POFUT3: variants seen among roughly 807,000 people sequenced by gnomAD.
The protein encoded by POFUT3 is GDP-fucose protein O-fucosyltransferase 3.
chr8:33,456,771 C>CT, the POFUT3 span, among the ~76,000 whole-genome samples: 125 of 117,302 alleles, frequency 1.1e-3, 4 homozygotes, highest in South Asian at 5.5e-3. Flanking sequence ...TTTCTTTTTT[C>CT]TTTTTTTTTT....
chr8:33,459,157 T>C, the POFUT3 span, among the ~76,000 whole-genome samples: 1 of 152,078 alleles, frequency 6.6e-6, no homozygotes, highest in African/African-American at 2.4e-5. Flanking sequence ...CTGGCCAACA[T>C]GGCAAAACCC....
chr8:33,312,933 G>A, the POFUT3 span, among the ~76,000 whole-genome samples: 2 of 151,956 alleles, frequency 1.3e-5, no homozygotes, highest in South Asian at 2.1e-4. Context: ...CTGCCTCCTC[G>A]GATCTTGCTG....
the POFUT3 span, among the ~76,000 whole-genome samples, chr8:33,439,595 C>T: frequency 2.0e-5 from 3 of 151,440 alleles, no homozygotes; most frequent in South Asian, 2.1e-4. Context: ...CAGCCGGGCG[C>T]GGTTGCTTAT....
chr8:33,386,767 G>A, the POFUT3 span, among the ~76,000 whole-genome samples: 60 of 152,224 alleles, frequency 3.9e-4, 1 homozygote, highest in South Asian at 0.01. Context: ...CCGAGATCAC[G>A]CCACCGCACT....
chr8:33,461,021 A>C, the POFUT3 span, among the ~76,000 whole-genome samples: 6 of 151,884 alleles, frequency 4.0e-5, no homozygotes, highest in Non-Finnish European at 5.9e-5. Flanking sequence ...TGGGCGTGGT[A>C]GCGGGTGCCT....
chr8:33,330,436 T>C, the POFUT3 span, among the ~76,000 whole-genome samples: 19 of 152,062 alleles, frequency 1.2e-4, no homozygotes, highest in Admixed American at 9.2e-4. Flanking sequence ...AGAGCTAGAC[T>C]CCATCCCAAA....
At chr8:33,443,402 T>C in the POFUT3 span, among the ~76,000 whole-genome samples, 2 of 152,256 alleles carry the variant, frequency 1.3e-5, no homozygotes, top group African/African-American at 4.8e-5. Flanking sequence ...CAGAGCTCAC[T>C]GCTCCAACGC....
the POFUT3 span, among the ~76,000 whole-genome samples, chr8:33,442,107 GC>G: frequency 6.6e-6 from 1 of 151,114 alleles, no homozygotes; most frequent in East Asian, 2.0e-4. Context: ...ATGCCACCAT[GC>G]CCGGCTAATT....
the POFUT3 span, among the ~76,000 whole-genome samples, chr8:33,334,620 C>T: frequency 6.6e-6 from 1 of 152,180 alleles, no homozygotes; most frequent in African/African-American, 2.4e-5. Flanking sequence ...GTCCATGAGC[C>T]ACACTTAGAA....
the POFUT3 span, among the ~76,000 whole-genome samples, chr8:33,338,035 A>G: frequency 6.6e-6 from 1 of 152,128 alleles, no homozygotes; most frequent in African/African-American, 2.4e-5. Flanking sequence ...AAGCACACAA[A>G]TATCTGTTGT....
the POFUT3 span, chr8:33,436,525 T>C: frequency 1.8e-6 from 2 of 1,117,258 alleles, no homozygotes; most frequent in South Asian, 1.2e-5. Context: ...CCCATAAAGC[T>C]TGTGATGGTG....
chr8:33,316,078 T>A, the POFUT3 span, among the ~76,000 whole-genome samples: 1 of 152,148 alleles, frequency 6.6e-6, no homozygotes, highest in East Asian at 1.9e-4. Flanking sequence ...TAAGAAACAA[T>A]GCCAGGAGTG....
At chr8:33,314,148 T>C in the POFUT3 span, among the ~76,000 whole-genome samples, 16 of 152,164 alleles carry the variant, frequency 1.1e-4, no homozygotes, top group Admixed American at 2.0e-4. Flanking sequence ...AAGAAATCAA[T>C]TGATGGCAGC....
the POFUT3 span, among the ~76,000 whole-genome samples, chr8:33,349,837 C>T: frequency 0.028 from 4,282 of 152,252 alleles, 86 homozygotes; most frequent in Non-Finnish European, 0.043. Context: ...GATCTACTTT[C>T]AGTTCTTTAA....
the POFUT3 span, among the ~76,000 whole-genome samples, chr8:33,379,973 A>G: frequency 9.6e-6 from 1 of 103,990 alleles, no homozygotes; most frequent in Non-Finnish European, 1.8e-5. Context: ...TACACTATAT[A>G]TACACTCTAT....
chr8:33,338,096 C>T, the POFUT3 span, among the ~76,000 whole-genome samples: 17 of 152,088 alleles, frequency 1.1e-4, no homozygotes, highest in Non-Finnish European at 2.4e-4. Context: ...TAGATTAGGG[C>T]CACCCCTAAA....
the POFUT3 span, among the ~76,000 whole-genome samples, chr8:33,368,948 T>A: frequency 1.3e-5 from 2 of 152,148 alleles, no homozygotes; most frequent in Non-Finnish European, 2.9e-5. Flanking sequence ...AAAGCCCTAC[T>A]CAAAACCCTT....
chr8:33,312,075 A>G, the POFUT3 span, among the ~76,000 whole-genome samples: 1 of 152,082 alleles, frequency 6.6e-6, no homozygotes, highest in Non-Finnish European at 1.5e-5. Context: ...CAGCCTGGCC[A>G]ATGTGGTGAA....
At chr8:33,364,289 T>A in the POFUT3 span, among the ~76,000 whole-genome samples, 2 of 152,166 alleles carry the variant, frequency 1.3e-5, no homozygotes, top group African/African-American at 4.8e-5. Flanking sequence ...ATAAGAGCTA[T>A]TTATAACAAA....
Sources: allele counts gnomAD v4.1 joint callset (sites outside exome capture counted in the v4.1 genomes callset), GRCh38; gene constraint gnomAD v4.1.1; transcripts MANE v1.5; gene names NCBI Gene and HGNC (gene_info 2026-07-23, HGNC 2026-07-21).